Variants in SDK1 observed in about 807,000 individuals in gnomAD.
SDK1 encodes protein sidekick-1.
In SDK1, 157 loss-of-function variants were observed where a neutral mutation model predicts 245.5. That is an observed-to-expected ratio of 0.64 (90% CI 0.56 to 0.73). The LOEUF is 0.73. SDK1 is among the 30% of genes least tolerant of loss of function. The pLI is 0.00. For missense variants in SDK1, 3,583 were observed against 3,002.3 expected, an observed-to-expected ratio of 1.19 and a Z score of -4.52; for synonymous variants, 1,647 against 1,278.5, an observed-to-expected ratio of 1.29 and a Z score of -6.15.
chr7:3,634,119 G>T (rs1387229368), intron 2 of SDK1, among the ~76,000 whole-genome samples: 1 of 152,178 alleles, frequency 6.6e-6, no homozygotes, highest in Non-Finnish European at 1.5e-5. Context: ...GTAGAGGCAG[G>T]TGAGTGGTCT....
intron 5 of SDK1, among the ~76,000 whole-genome samples, chr7:3,849,983 C>G (rs140403012): frequency 3.1e-3 from 476 of 152,252 alleles, no homozygotes; most frequent in Middle Eastern, 0.01. Context: ...GTCGAAATGA[C>G]CAATCATTCA....
chr7:3,626,051 C>A (rs979220858), intron 2 of SDK1, among the ~76,000 whole-genome samples: 1 of 150,426 alleles, frequency 6.6e-6, no homozygotes, highest in African/African-American at 2.4e-5. Context: ...TGAAGTGATC[C>A]TTCTGCACCA....
At chr7:3,423,996 C>T (rs1172273975) in intron 1 of SDK1, among the ~76,000 whole-genome samples, 2 of 151,714 alleles carry the variant, frequency 1.3e-5, no homozygotes, top group East Asian at 3.9e-4. Context: ...ACTGCAACCT[C>T]CGCCTTCCAG....
chr7:3,471,916 A>G (rs1781197276), intron 1 of SDK1, among the ~76,000 whole-genome samples: 1 of 152,148 alleles, frequency 6.6e-6, no homozygotes, highest in South Asian at 2.1e-4. Flanking sequence ...GGAAAGGTTT[A>G]TTTTCCTTTT....
At position 4,047,964 on chromosome 7, in the gene SDK1, TAGAG is replaced by T. The variant is rs1276003285; in HGVS notation, c.2603-1381_2603-1378del. Among the ~76,000 whole-genome samples, 4 of 152,164 alleles carry T rather than the reference TAGAG, an allele frequency of 2.6e-5. No individual in the cohort carries two copies. In the East Asian group the frequency reaches 7.7e-4, roughly 29 times the overall value. On this transcript the variant is annotated intron_variant, in intron 17 of 44. Coordinates refer to ENST00000404826, the MANE Select transcript of SDK1 (RefSeq NM_152744.4). ...CAAGTAGGGCAGTTTCCTGGTGACT[TAGAG>T]AGGGGGCCGAGGGGCATCACAGCCA...
At chr7:3,928,651 C>A (rs980128913) in intron 5 of SDK1, among the ~76,000 whole-genome samples, 2 of 151,968 alleles carry the variant, frequency 1.3e-5, no homozygotes, top group Non-Finnish European at 2.9e-5. Context: ...GGTGGAATGC[C>A]AATAATGGTA....
intron 4 of SDK1, among the ~76,000 whole-genome samples, chr7:3,646,882 C>T (rs923061034): frequency 1.3e-5 from 2 of 152,134 alleles, no homozygotes; most frequent in African/African-American, 2.4e-5. Flanking sequence ...ATTCCACTCA[C>T]ACAAGATAAT....
chr7:3,571,177 T>C (rs1780102682), intron 1 of SDK1, among the ~76,000 whole-genome samples: 1 of 152,104 alleles, frequency 6.6e-6, no homozygotes, highest in African/African-American at 2.4e-5. Flanking sequence ...TTAAATGTAA[T>C]AGCTGAACTG....
intron 4 of SDK1, among the ~76,000 whole-genome samples, chr7:3,655,454 T>TAC (rs1783138623): frequency 1.1e-3 from 7 of 6,396 alleles, no homozygotes; most frequent in Non-Finnish European, 3.2e-3. Flanking sequence ...AACAAATATA[T>TAC]ATATATATAT....
At chr7:3,960,246 G>C (rs1289910153) in intron 8 of SDK1, among the ~76,000 whole-genome samples, 1 of 152,208 alleles carries the variant, frequency 6.6e-6, no homozygotes, top group Admixed American at 6.5e-5. Context: ...CTCTGGTGAA[G>C]TCATTGCCCA....
intron 1 of SDK1, among the ~76,000 whole-genome samples, chr7:3,331,219 G>T (rs947024298): frequency 1.3e-5 from 2 of 152,052 alleles, no homozygotes; most frequent in African/African-American, 4.8e-5. Context: ...AGCCGAGATT[G>T]CACCACTGCA....
intron 5 of SDK1, among the ~76,000 whole-genome samples, chr7:3,875,757 G>T (rs1781060644): frequency 6.6e-6 from 1 of 152,182 alleles, no homozygotes; most frequent in African/African-American, 2.4e-5. Flanking sequence ...AGAGGTGGTT[G>T]GTTATAGGTG....
At chr7:3,717,013 C>A (rs1785223475) in intron 4 of SDK1, among the ~76,000 whole-genome samples, 1 of 152,060 alleles carries the variant, frequency 6.6e-6, no homozygotes, top group African/African-American at 2.4e-5. Context: ...TTAATTCCAT[C>A]TCAAGCAGTG....
chr7:3,357,377 TCTCA>T (rs1262528321), intron 1 of SDK1, among the ~76,000 whole-genome samples: 2 of 114,842 alleles, frequency 1.7e-5, no homozygotes, highest in Admixed American at 2.4e-4. Context: ...TGAGGCAGGG[TCTCA>T]CTCTGTTGCC....
intron 1 of SDK1, among the ~76,000 whole-genome samples, chr7:3,357,306 C>G (rs1426262218): frequency 8.6e-6 from 1 of 115,822 alleles, no homozygotes; most frequent in Non-Finnish European, 1.8e-5. Flanking sequence ...TGTCTTTTTA[C>G]TCTTGCTCCC....
At chr7:3,303,672 T>G (rs763317508) in intron 1 of SDK1, among the ~76,000 whole-genome samples, 92 of 152,214 alleles carry the variant, frequency 6.0e-4, no homozygotes, top group Non-Finnish European at 1.1e-3. Flanking sequence ...AGTGTAAAAT[T>G]TCAGATAGGT....
At chr7:3,546,056 T>C (rs574675543) in intron 1 of SDK1, among the ~76,000 whole-genome samples, 1 of 152,316 alleles carries the variant, frequency 6.6e-6, no homozygotes, top group South Asian at 2.1e-4. Flanking sequence ...GATATAACTT[T>C]TAATCGTTGG....
intron 3 of SDK1, among the ~76,000 whole-genome samples, chr7:3,640,733 G>A (rs1018121210): frequency 6.6e-6 from 1 of 151,682 alleles, no homozygotes; most frequent in African/African-American, 2.4e-5. Flanking sequence ...ACCCAGGCTG[G>A]AGTGCAGTGG....
rs1468887554 is a variant in SDK1, at chr7:4,012,157, C to G, written c.2342C>G (p.Thr781Ser). 6.3e-7 allele frequency: 1 copy of G among 1,579,484 alleles called. No individual in the cohort carries two copies. The highest frequency in any genetic ancestry group is 1.4e-5 in the African/African-American group (1 of 73,190). The part of the protein sequence containing the change: ...PPKNIVASGR[T>S]NQSIMVQWQP... ...AAAAATATAGTGGCCAGTGGGCGGA[C>G]TAATCAGTCCATTATGGTCCAGTGG... The change falls in exon 16 of 45, where the codon ACT (threonine) becomes AGT (serine). Residue 781 changes from threonine to serine, a missense_variant. By Grantham distance (58) the Thr-to-Ser change is moderately conservative. Coordinates refer to ENST00000404826, the MANE Select transcript of SDK1 (RefSeq NM_152744.4).
Sources: gnomAD v4.1 joint callset for allele counts (sites outside exome capture counted in the v4.1 genomes callset) on GRCh38, gnomAD v4.1.1 for gene constraint, MANE v1.5 for transcripts, NCBI Gene and HGNC (gene_info 2026-07-23, HGNC 2026-07-21) for gene names.